NRXN1: variants seen among roughly 807,000 people sequenced by gnomAD.
NRXN1 encodes neurexin 1.
In NRXN1, 39 loss-of-function variants were observed where a neutral mutation model predicts 150.9. That is an observed-to-expected ratio of 0.26 (90% CI 0.20 to 0.34). The LOEUF (loss-of-function observed/expected upper bound fraction) is 0.34, where lower values mean the gene tolerates loss of function less well. Among genes scored for constraint, NRXN1 ranks in the 10% least tolerant of loss-of-function variants. The pLI, the probability that NRXN1 is intolerant of heterozygous loss-of-function variation, is 1.00. For synonymous variants in NRXN1, 924 were observed against 757.0 expected (o/e 1.22, Z -3.62); for missense variants, 1,815 against 1,949.9 (o/e 0.93, Z 1.30).
intron 5 of NRXN1, among the ~76,000 whole-genome samples, chr2:50,757,759 G>C (rs1031279659): frequency 6.6e-6 from 1 of 151,644 alleles, no homozygotes; most frequent in Admixed American, 6.6e-5. Context: ...TACAAGACTG[G>C]TGACCCTCAA....
intron 17 of NRXN1, among the ~76,000 whole-genome samples, chr2:50,395,107 C>T (rs565305506): frequency 1.3e-3 from 199 of 152,106 alleles, no homozygotes; most frequent in African/African-American, 4.5e-3. Flanking sequence ...ATACTCACAT[C>T]ATATTATTTC....
intron 18 of NRXN1, among the ~76,000 whole-genome samples, chr2:50,149,336 A>T (rs999950838): frequency 5.9e-5 from 9 of 151,888 alleles, no homozygotes; most frequent in African/African-American, 2.2e-4. Flanking sequence ...CATCCAAGAA[A>T]GTGCTGGCAA....
chr2:50,185,016 A>G (rs1244426816), intron 18 of NRXN1, among the ~76,000 whole-genome samples: 2 of 152,038 alleles, frequency 1.3e-5, no homozygotes, highest in African/African-American at 4.8e-5. Context: ...CCTTTTATTT[A>G]TCTCAAACTT....
intron 8 of NRXN1, among the ~76,000 whole-genome samples, chr2:50,612,041 G>C (rs997792959): frequency 6.6e-6 from 1 of 152,148 alleles, no homozygotes; most frequent in African/African-American, 2.4e-5. Flanking sequence ...GAGAATGAGA[G>C]AAGTGAAGTG....
chr2:50,007,274 C>T (rs530217324), intron 21 of NRXN1, among the ~76,000 whole-genome samples: 13 of 152,160 alleles, frequency 8.5e-5, no homozygotes, highest in African/African-American at 3.1e-4. Context: ...TGAGCCCACA[C>T]ATTTGAAGTC....
chr2:50,321,516 C>G (rs760757558), intron 17 of NRXN1, among the ~76,000 whole-genome samples: 1 of 152,044 alleles, frequency 6.6e-6, no homozygotes, highest in Non-Finnish European at 1.5e-5. Flanking sequence ...CAGTGCATAG[C>G]TTTATAAATT....
chr2:50,681,192 C>T (rs1340375920), intron 5 of NRXN1, among the ~76,000 whole-genome samples: 2 of 152,152 alleles, frequency 1.3e-5, no homozygotes, highest in Non-Finnish European at 2.9e-5. Flanking sequence ...TTGGCCCCAC[C>T]TTAGGTGAAT....
At chr2:50,528,157 AACGTTTTAG>A (rs1211515688) in intron 12 of NRXN1, among the ~76,000 whole-genome samples, 1 of 152,212 alleles carries the variant, frequency 6.6e-6, no homozygotes, top group African/African-American at 2.4e-5. Context: ...ATCAAGGAAG[AACGTTTTAG>A]ACGAGTAATT....
chr2:50,986,893 A>G (rs775249148), intron 2 of NRXN1, among the ~76,000 whole-genome samples: 1 of 151,842 alleles, frequency 6.6e-6, no homozygotes, highest in Non-Finnish European at 1.5e-5. Flanking sequence ...GCGTAAATGT[A>G]CAGAAAGTAA....
chr2:49,979,546 AT>A (rs957061467), intron 21 of NRXN1, among the ~76,000 whole-genome samples: 15 of 152,262 alleles, frequency 9.9e-5, no homozygotes, highest in African/African-American at 3.4e-4. Flanking sequence ...TTAAATGAAA[AT>A]TCTCATCTCT....
intron 18 of NRXN1, among the ~76,000 whole-genome samples, chr2:50,183,225 GAAGCATCT>G (rs2060848006): frequency 6.6e-6 from 1 of 152,062 alleles, no homozygotes; most frequent in African/African-American, 2.4e-5. Context: ...ATATTTGTCA[GAAGCATCT>G]GCTCCTTAAA....
intron 8 of NRXN1, among the ~76,000 whole-genome samples, chr2:50,586,194 C>T (rs1673070262): frequency 6.6e-6 from 1 of 152,250 alleles, no homozygotes; most frequent in African/African-American, 2.4e-5. Context: ...TCTTTCTACC[C>T]AGAACGTTCT....
At chr2:50,133,083 T>C (rs1009161133) in intron 18 of NRXN1, among the ~76,000 whole-genome samples, 6 of 152,070 alleles carry the variant, frequency 3.9e-5, no homozygotes, top group Non-Finnish European at 8.8e-5. Context: ...ACCAAAAGTG[T>C]AGGTGCTATT....
chr2:50,284,694 G>C lies in NRXN1; in HGVS notation c.3365-47724C>G, dbSNP rs1307421525. Among the ~76,000 whole-genome samples the C allele has an allele frequency of 4.6e-5, 7 of 152,004 alleles. No homozygotes were observed. In the East Asian group the frequency reaches 1.4e-3, roughly 29 times the overall value. ...TCTACTTAATGTAGAAAAATCAGTG[G>C]GGCTAGGCAAGAGATTGTTCTTGAT... On this transcript the variant is annotated intron_variant, in intron 17 of 22. Coordinates refer to ENST00000401669, the MANE Select transcript of NRXN1 (RefSeq NM_001330078.2).
At chr2:50,809,083 G>A (rs944285777) in intron 5 of NRXN1, among the ~76,000 whole-genome samples, 4 of 152,090 alleles carry the variant, frequency 2.6e-5, no homozygotes, top group African/African-American at 9.6e-5. Flanking sequence ...TCAGTCTACA[G>A]TGTTTACAGA....
chr2:49,930,531 C>A (rs1669951371), intron 22 of NRXN1, among the ~76,000 whole-genome samples: 1 of 152,094 alleles, frequency 6.6e-6, no homozygotes, highest in Non-Finnish European at 1.5e-5. Context: ...CCAATAACAT[C>A]TATTAAATTT....
At chr2:50,422,843 G>A (rs1439535788) in intron 17 of NRXN1, among the ~76,000 whole-genome samples, 1 of 152,150 alleles carries the variant, frequency 6.6e-6, no homozygotes, top group Non-Finnish European at 1.5e-5. Context: ...TAAATCTTTA[G>A]ACATCAAACA....
chr2:50,218,538 C>T (rs1234013039), intron 18 of NRXN1, among the ~76,000 whole-genome samples: 2 of 142,536 alleles, frequency 1.4e-5, no homozygotes, highest in Non-Finnish European at 3.0e-5. Flanking sequence ...CTTTGGTAAA[C>T]TTCATATTTA....
chr2:50,259,521 C>T (rs1424358721), intron 17 of NRXN1, among the ~76,000 whole-genome samples: 4 of 151,754 alleles, frequency 2.6e-5, no homozygotes, highest in Admixed American at 6.6e-5. Flanking sequence ...TTTTTAGTAT[C>T]CTGCTAATTA....
Sources: allele counts gnomAD v4.1 joint callset (sites outside exome capture counted in the v4.1 genomes callset), GRCh38; gene constraint gnomAD v4.1.1; transcripts MANE v1.5; gene names NCBI Gene and HGNC (gene_info 2026-07-23, HGNC 2026-07-21).